The following RIF1 variants were observed in gnomAD, a reference collection of about 807,000 sequenced individuals.
RIF1 encodes telomere-associated protein RIF1.
Under a neutral mutation model 247.1 loss-of-function variants are expected in RIF1, and 45 were observed. The ratio of observed to expected loss-of-function variants is 0.18; its 90% confidence interval spans 0.14 to 0.23. RIF1 has a LOEUF of 0.23. RIF1 is among the 10% of genes least tolerant of loss of function. The pLI, the probability that RIF1 is intolerant of heterozygous loss-of-function variation, is 1.00. For synonymous variants in RIF1, 1,087 were observed against 978.8 expected (o/e 1.11, Z -2.06); for missense variants, 2,967 against 2,862.5 (o/e 1.04, Z -0.83).
In RIF1 at chr2:151,461,225, G is replaced by A; in HGVS notation, c.3163G>A (p.Glu1055Lys). The A allele has an allele frequency of 1.2e-6, 2 of 1,613,612 alleles. No homozygotes were observed. Among genetic ancestry groups the A allele is most frequent in the Non-Finnish European group, 1.7e-6 (2 of 1,179,792 alleles). ...KSTDFVFIPP[E>K]GKDAKERILT... ...TACTGACTTTGTGTTTATACCTCCA[G>A]AAGGAAAAGATGCAAAGGAAAGAAT... The change falls in exon 27 of 36, where the codon GAA (glutamate) becomes AAA (lysine). Residue 1055 changes from glutamate to lysine, a missense_variant. Around this residue, in one of 7 missense-constraint regions of RIF1, gnomAD observed 2,028 missense variants for 1,825.6 expected, o/e 1.11. Coordinates refer to ENST00000444746, the MANE Select transcript of RIF1 (RefSeq NM_018151.5).
At chr2:151,434,437 A>ATTTTT (rs754795986) in intron 10 of RIF1, among the ~76,000 whole-genome samples, 2,117 of 106,966 alleles carry the variant, frequency 0.02, 45 homozygotes, top group East Asian at 0.031. Context: ...TGGTTTTTGA[A>ATTTTT]TTTTTTTTTT....
In RIF1 at chr2:151,477,098, T is replaced by G. The variant is rs185057850; in HGVS notation, c.*2027T>G. On this transcript the variant is annotated 3_prime_UTR_variant, in exon 36 of 36. Coordinates refer to ENST00000444746, the MANE Select transcript of RIF1 (RefSeq NM_018151.5). ...TTTAATAAAGCTGCATTTAAAAATATTTGGGAGCAAAGACAAGCATGCTAA... is the reference window on the plus strand; with the variant it reads ...TTTAATAAAGCTGCATTTAAAAATAGTTGGGAGCAAAGACAAGCATGCTAA... 83 of 152,348 alleles carry G rather than the reference T, an allele frequency of 5.4e-4. 1 individual carries two copies. Among genetic ancestry groups the G allele is most frequent in the African/African-American group, 1.7e-3 (72 of 41,582 alleles). The allele number at this position is 152,348 out of a possible 1,614,324, so 9.4% of individuals were successfully genotyped here. A position where few individuals can be genotyped will look rare whatever the true frequency, so the allele number is the denominator to read the frequency against.
chr2:151,445,800 A>G (rs1211195201), intron 19 of RIF1, among the ~76,000 whole-genome samples: 1 of 152,122 alleles, frequency 6.6e-6, no homozygotes, highest in African/African-American at 2.4e-5. Flanking sequence ...TGGCCTCCCA[A>G]AGTGCTGGGA....
intron 25 of RIF1, among the ~76,000 whole-genome samples, chr2:151,459,299 C>A (rs1231825665): frequency 6.6e-6 from 1 of 152,156 alleles, no homozygotes; most frequent in Non-Finnish European, 1.5e-5. Flanking sequence ...TTTGCTGTCA[C>A]ATGGCATTAG....
At chr2:151,460,197 A>G in intron 26 of RIF1, 78 bp downstream of exon 26, 1 of 1,127,410 alleles carries the variant, frequency 8.9e-7, no homozygotes, top group Non-Finnish European at 1.2e-6. Flanking sequence ...AAATTGGATG[A>G]AAGAACTATA....
chr2:151,514,997 G>T, the RIF1 span: 2 of 968,842 alleles, frequency 2.1e-6, no homozygotes, highest in Non-Finnish European at 1.5e-6. Context: ...TCCATCTCAG[G>T]AAGAAAAAAA....
In RIF1 at chr2:151,474,735, G is replaced by A. The variant is rs553196593; in HGVS notation, c.7205-122G>A. ...GATTTTTTTGTGTGCTTGTCCTCAT[G>A]AAGACTTAAGCCTGCTCTCTCAATT... On this transcript the variant is annotated intron_variant, in intron 35 of 35. Transcript: ENST00000444746. The A allele has an allele frequency of 1.7e-4, 109 of 648,918 alleles. No homozygotes were observed. In the African/African-American group the frequency reaches 1.8e-3, roughly 11 times the overall value. 40.2% of individuals were successfully genotyped at this position (648,918 alleles called of 1,614,324 possible).
chr2:151,456,820 C>G (rs188869056), intron 23 of RIF1, among the ~76,000 whole-genome samples, 200 bp downstream of exon 23: 1 of 152,218 alleles, frequency 6.6e-6, no homozygotes, highest in East Asian at 1.9e-4. Context: ...GCAACCTCCA[C>G]CTCCTGGGAT....
chr2:151,501,870 T>TAAAG (rs2064894657), intron 11 of RIF1, among the ~76,000 whole-genome samples: 1 of 152,030 alleles, frequency 6.6e-6, no homozygotes, highest in Non-Finnish European at 1.5e-5. Context: ...GGGAACAAAA[T>TAAAG]AAAGAATAAA....
At chr2:151,414,550 A>G (rs1686863861) in intron 3 of RIF1, among the ~76,000 whole-genome samples, 1 of 152,000 alleles carries the variant, frequency 6.6e-6, no homozygotes, top group Admixed American at 6.6e-5. Flanking sequence ...AGCATCTTTC[A>G]TCTGTTGACC....
intron 12 of RIF1, 34 bp from the exon 13 acceptor site, chr2:151,437,206 GT>G (rs762973107): frequency 6.7e-7 from 1 of 1,491,452 alleles, no homozygotes; most frequent in Non-Finnish European, 9.3e-7. Flanking sequence ...TAAATCTGTT[GT>G]TTTACATAAT....
chr2:151,525,234 A>G, the RIF1 span: 1 of 1,613,862 alleles, frequency 6.2e-7, no homozygotes, highest in Non-Finnish European at 8.5e-7. Context: ...GAGTAGTTGG[A>G]TTTTCCTTTC....
chr2:151,519,791 A>G, the RIF1 span: 7 of 1,467,666 alleles, frequency 4.8e-6, no homozygotes, highest in African/African-American at 1.4e-5. Flanking sequence ...GCAAACATCC[A>G]AATTATTCCT....
downstream of RIF1, among the ~76,000 whole-genome samples, chr2:151,511,673 C>T (rs1226977736): frequency 1.3e-5 from 2 of 152,216 alleles, no homozygotes; most frequent in Non-Finnish European, 2.9e-5. Flanking sequence ...TCCTGACCAT[C>T]ACTGACAATC....
intron 21 of RIF1, among the ~76,000 whole-genome samples, chr2:151,453,053 A>G (rs1168877057): frequency 6.6e-6 from 1 of 152,220 alleles, no homozygotes; most frequent in Admixed American, 6.5e-5. Context: ...GGTGACTTAC[A>G]TTGTGATGAT....
At chr2:151,509,010 A>C (rs2071682189), downstream of RIF1, among the ~76,000 whole-genome samples, 1 of 152,094 alleles carries the variant, frequency 6.6e-6, no homozygotes, top group Admixed American at 6.5e-5. Flanking sequence ...CCCACTCTTC[A>C]GGGAAGTTTT....
intron 34 of RIF1, among the ~76,000 whole-genome samples, chr2:151,470,175 A>G (rs1250011625): frequency 6.6e-6 from 1 of 151,812 alleles, no homozygotes; most frequent in African/African-American, 2.4e-5. Context: ...TTTGGTTTGG[A>G]TGCCTACCAC....
intron 18 of RIF1, among the ~76,000 whole-genome samples, chr2:151,444,863 T>TA (rs1692982384): frequency 6.6e-6 from 1 of 152,180 alleles, no homozygotes; most frequent in African/African-American, 2.4e-5. Context: ...ACTGGTGACT[T>TA]AAAACTACAG....
At chr2:151,425,516 G>C (rs923504481) in intron 8 of RIF1, among the ~76,000 whole-genome samples, 1 of 152,046 alleles carries the variant, frequency 6.6e-6, no homozygotes, top group Non-Finnish European at 1.5e-5. Context: ...TTTAGATCTT[G>C]AATGTAGATC....
Sources: allele counts gnomAD v4.1 joint callset (sites outside exome capture counted in the v4.1 genomes callset), GRCh38; gene constraint gnomAD v4.1.1; regional missense constraint gnomAD v4.1.1; transcripts MANE v1.5; gene names NCBI Gene and HGNC (gene_info 2026-07-23, HGNC 2026-07-21).